KIF16B: variants seen among roughly 807,000 people sequenced by gnomAD.
KIF16B encodes the protein kinesin family member 16B.
In KIF16B, 98 loss-of-function variants were observed where a neutral mutation model predicts 156.3. The observed-to-expected ratio is 0.63, with a 90% CI of 0.53 to 0.74. KIF16B has a LOEUF of 0.74. KIF16B is among the 30% of genes least tolerant of loss of function. The pLI is 0.00. For missense variants in KIF16B, 1,421 were observed against 1,606.5 expected, an observed-to-expected ratio of 0.88 and a Z score of 1.97; for synonymous variants, 564 against 583.7, an observed-to-expected ratio of 0.97 and a Z score of 0.49.
chr20:16,467,259 G>C (rs534696858), intron 12 of KIF16B, among the ~76,000 whole-genome samples: 3 of 152,126 alleles, frequency 2.0e-5, no homozygotes, highest in Non-Finnish European at 4.4e-5. Flanking sequence ...CTCACCAAAA[G>C]ACTGAGACCT....
chr20:16,556,329 G>T (rs886604403), intron 1 of KIF16B, among the ~76,000 whole-genome samples: 7 of 152,190 alleles, frequency 4.6e-5, no homozygotes, highest in African/African-American at 1.4e-4. Context: ...GCTCTGCCAT[G>T]AACCAACTGG....
intron 12 of KIF16B, among the ~76,000 whole-genome samples, chr20:16,439,661 C>T (rs1433353956): frequency 6.6e-6 from 1 of 152,124 alleles, no homozygotes; most frequent in Non-Finnish European, 1.5e-5. Flanking sequence ...ATGCCCAAGA[C>T]TGGGAAGAAA....
At chr20:16,326,322 G>C (rs200444201) in intron 24 of KIF16B, among the ~76,000 whole-genome samples, 2 of 151,532 alleles carry the variant, frequency 1.3e-5, no homozygotes, top group Admixed American at 6.6e-5. Flanking sequence ...AAACTAAAAA[G>C]CTTCTGCACA....
At chr20:16,451,774 CT>C (rs138961313) in intron 12 of KIF16B, among the ~76,000 whole-genome samples, 20,318 of 151,560 alleles carry the variant, frequency 0.13, 1,550 homozygotes, top group East Asian at 0.26. Context: ...GGGGACCAAA[CT>C]TTTTTTTTAT....
chr20:16,368,291 C>A, intron 22 of KIF16B: 1 of 999,874 alleles, frequency 1.0e-6, no homozygotes, highest in Non-Finnish European at 1.2e-6. Context: ...GCTGCAAAGA[C>A]AGAGGCCCGG....
chr20:16,438,062 G>A (rs1038084787), intron 12 of KIF16B, among the ~76,000 whole-genome samples: 12 of 151,836 alleles, frequency 7.9e-5, no homozygotes, highest in African/African-American at 2.4e-4. Flanking sequence ...CAGGAGAATC[G>A]CTTGAACCTG....
In KIF16B at chr20:16,537,704, G is replaced by GTTTT. The variant is rs1171475559; in HGVS notation, c.48-9268_48-9265dup. Among the ~76,000 whole-genome samples, 587 of 101,544 alleles carry GTTTT rather than the reference G, an allele frequency of 5.8e-3. 21 individuals carry two copies. The highest frequency in any genetic ancestry group is 0.011 in the Middle Eastern group (2 of 174). 66.6% of individuals were successfully genotyped at this position (101,544 alleles called of 152,430 possible). A position where few individuals can be genotyped will look rare whatever the true frequency, so the allele number is the denominator to read the frequency against. ...TTCTTTTTCTTTTTTTCTTTTTTTC[G>GTTTT]TTTTTTTTTTTTTTTTTTGAGACAG... On this transcript the variant is annotated intron_variant, in intron 1 of 25. Coordinates refer to ENST00000354981, the MANE Select transcript of KIF16B (RefSeq NM_024704.5).
intron 17 of KIF16B, among the ~76,000 whole-genome samples, chr20:16,393,932 G>C (rs930688952): frequency 6.6e-6 from 1 of 152,198 alleles, no homozygotes; most frequent in African/African-American, 2.4e-5. Context: ...AAGCAAAAAT[G>C]AATGTGTACA....
Position 16,378,985 on chromosome 20 carries a change from T to C in KIF16B, c.3017A>G (p.Glu1006Gly). Residue 1006 changes from glutamate (E) to glycine (G), a missense_variant, in exon 19 of 26, where the codon GAG becomes GGG. Transcript: ENST00000354981. Reference protein sequence around the residue: ...SREKQQREALERALARLERRH... With the variant: ...SREKQQREALGRALARLERRH... The stretch of plus-strand genomic sequence containing the variant: ...CCTCTCCAGCCTGGCCAGGGCCCGC[T>C]CCAGCGCCTCTCTCTGCTGCTTCTC... 1 of 1,614,048 alleles carries C rather than the reference T, an allele frequency of 6.2e-7. No homozygotes were observed. The highest frequency in any genetic ancestry group is 1.1e-5 in the South Asian group (1 of 91,042).
chr20:16,343,956 G>C (rs528584163), intron 23 of KIF16B, among the ~76,000 whole-genome samples: 4 of 152,200 alleles, frequency 2.6e-5, no homozygotes, highest in African/African-American at 7.2e-5. Context: ...AATCAATATA[G>C]TGGGTGTGCC....
chr20:16,395,203 GAA>G (rs1225690155), intron 17 of KIF16B, among the ~76,000 whole-genome samples: 4 of 69,712 alleles, frequency 5.7e-5, no homozygotes, highest in East Asian at 4.5e-4. Flanking sequence ...GGAGAGGAGG[GAA>G]GAGGAGGGGA....
intron 17 of KIF16B, among the ~76,000 whole-genome samples, chr20:16,402,849 T>C (rs2065689147): frequency 6.6e-6 from 1 of 152,212 alleles, no homozygotes; most frequent in African/African-American, 2.4e-5. Context: ...AACTTTGACC[T>C]GCATTTTGTA....
chr20:16,561,507 T>C (rs2071061874), intron 1 of KIF16B, among the ~76,000 whole-genome samples: 1 of 152,240 alleles, frequency 6.6e-6, no homozygotes, highest in Admixed American at 6.5e-5. Context: ...CAATAACTTT[T>C]ATTAGAAAAT....
chr20:16,539,655 G>T (rs6044096), intron 1 of KIF16B, among the ~76,000 whole-genome samples: 54,121 of 152,030 alleles, frequency 0.36, 9,681 homozygotes, highest in African/African-American at 0.38. Context: ...AGCAGATGCT[G>T]CTATGCTTCC....
chr20:16,300,142 G>A (rs761050058), intron 25 of KIF16B, among the ~76,000 whole-genome samples: 6 of 152,114 alleles, frequency 3.9e-5, no homozygotes, highest in Admixed American at 2.6e-4. Context: ...ATTTTAACAC[G>A]GAAAGGGAAT....
chr20:16,275,611 A>C (rs1015606236), intron 25 of KIF16B, among the ~76,000 whole-genome samples: 1 of 152,194 alleles, frequency 6.6e-6, no homozygotes, highest in South Asian at 2.1e-4. Context: ...TTCTCAACTC[A>C]AGATGTTTTT....
chr20:16,525,279 C>A (rs1006458574), intron 3 of KIF16B, among the ~76,000 whole-genome samples: 6 of 152,068 alleles, frequency 3.9e-5, no homozygotes, highest in Non-Finnish European at 8.8e-5. Context: ...GAATTCTTAT[C>A]CCCGTTTTAA....
chr20:16,365,225 TA>T (rs753059504), intron 22 of KIF16B, among the ~76,000 whole-genome samples: 36 of 152,290 alleles, frequency 2.4e-4, no homozygotes, highest in Non-Finnish European at 4.6e-4. Context: ...ATATTAGTTT[TA>T]AAAAGTTAAA....
At chr20:16,507,455 G>T (rs992847102) in intron 7 of KIF16B, among the ~76,000 whole-genome samples, 9 of 152,098 alleles carry the variant, frequency 5.9e-5, no homozygotes, top group Non-Finnish European at 1.5e-5. Flanking sequence ...AATTTCCACA[G>T]ATGTTCAAGA....
Sources: gnomAD v4.1 joint callset for allele counts (sites outside exome capture counted in the v4.1 genomes callset) on GRCh38, gnomAD v4.1.1 for gene constraint, MANE v1.5 for transcripts, NCBI Gene and HGNC (gene_info 2026-07-23, HGNC 2026-07-21) for gene names.